DPP10: variants seen among roughly 807,000 people sequenced by gnomAD.
DPP10 encodes the protein dipeptidyl peptidase like 10, also known as inactive dipeptidyl peptidase 10.
DPP10 carries 33 observed loss-of-function variants against 120.9 expected under a neutral mutation model. The ratio of observed to expected loss-of-function variants is 0.27; its 90% CI spans 0.21 to 0.37. The LOEUF is 0.37. Ranked by LOEUF, DPP10 falls within the 10% of genes least tolerant of loss-of-function variation. The pLI, the probability that DPP10 is intolerant of heterozygous loss-of-function variation, is 1.00. For missense variants in DPP10, 816 were observed against 942.8 expected, an observed-to-expected ratio of 0.87 and a Z score of 1.76; for synonymous variants, 337 against 326.1, an observed-to-expected ratio of 1.03 and a Z score of -0.36.
intron 5 of DPP10, among the ~76,000 whole-genome samples, chr2:115,644,889 A>G (rs542579962): frequency 6.6e-6 from 1 of 152,344 alleles, no homozygotes; most frequent in East Asian, 1.9e-4. Flanking sequence ...TATATAAACT[A>G]TACCACCAAA....
chr2:114,507,050 C>CTTTTTTTTTTTTTTTTTTTT (rs1227607834), intron 1 of DPP10, among the ~76,000 whole-genome samples: 1 of 124,766 alleles, frequency 8.0e-6, no homozygotes, highest in Non-Finnish European at 1.7e-5. Flanking sequence ...CTTTTTTTTT[C>CTTTTTTTTTTTTTTTTTTTT]TTTTTTTTTT....
At chr2:115,016,939 C>T (rs1702685777) in intron 1 of DPP10, among the ~76,000 whole-genome samples, 1 of 151,678 alleles carries the variant, frequency 6.6e-6, no homozygotes, top group Admixed American at 6.6e-5. Context: ...TTATCATTCT[C>T]AGTAAACTAT....
At chr2:115,187,073 T>C (rs2054508190) in intron 1 of DPP10, among the ~76,000 whole-genome samples, 1 of 133,930 alleles carries the variant, frequency 7.5e-6, no homozygotes, top group Non-Finnish European at 1.6e-5. Context: ...AGTTTCGCTC[T>C]GTCGGGCCTG....
intron 3 of DPP10, chr2:115,468,355 G>C (rs2074464457): frequency 3.9e-6 from 2 of 511,666 alleles, no homozygotes; most frequent in Admixed American, 2.0e-5. Context: ...ATTGCTGGCT[G>C]CTTCACTCTT....
chr2:115,298,734 G>A (rs2060996599), intron 1 of DPP10, among the ~76,000 whole-genome samples: 1 of 152,022 alleles, frequency 6.6e-6, no homozygotes, highest in African/African-American at 2.4e-5. Flanking sequence ...CCCTGGCCCT[G>A]GAGATTCAGA....
At chr2:115,477,137 T>G (rs1437127619) in intron 3 of DPP10, among the ~76,000 whole-genome samples, 1 of 152,094 alleles carries the variant, frequency 6.6e-6, no homozygotes, top group African/African-American at 2.4e-5. Flanking sequence ...GCCACTTCTA[T>G]TCAACATAGT....
chr2:115,780,177 T>G (rs1682581937), intron 15 of DPP10, among the ~76,000 whole-genome samples: 1 of 152,002 alleles, frequency 6.6e-6, no homozygotes, highest in South Asian at 2.1e-4. Context: ...ATAAACAATT[T>G]GATAAATGAA....
chr2:114,927,646 G>A lies in DPP10; in HGVS notation c.61-381593G>A, dbSNP rs145862343. ...ATAGAATGGGAGGCAGATTTGCCCT[G>A]AGAAGTTCCCAGCTTGAAAGGGCCC... On this transcript the variant is annotated intron_variant, in intron 1 of 25. Coordinates refer to ENST00000410059, the MANE Select transcript of DPP10 (RefSeq NM_020868.6). Among the ~76,000 whole-genome samples the A allele has an allele frequency of 6.0e-3, 917 of 152,330 alleles. 11 individuals carry two copies. The highest frequency in any genetic ancestry group is 0.021 in the African/African-American group (871 of 41,572).
intron 1 of DPP10, among the ~76,000 whole-genome samples, chr2:114,677,104 C>G (rs1698723433): frequency 6.6e-6 from 1 of 152,144 alleles, no homozygotes; most frequent in African/African-American, 2.4e-5. Flanking sequence ...CTCCCCGGCT[C>G]ATCAGCTTCC....
intron 5 of DPP10, among the ~76,000 whole-genome samples, chr2:115,561,086 C>T (rs774058994): frequency 7.2e-5 from 11 of 152,036 alleles, no homozygotes; most frequent in African/African-American, 7.2e-5. Context: ...CAGTGGCTCA[C>T]GCCTGTAATC....
In DPP10 at chr2:115,826,403, T is replaced by C. The variant is rs183080929; in HGVS notation, c.1951-9754T>C. On this transcript the variant is annotated intron_variant, in intron 21 of 25. Coordinates refer to ENST00000410059, the MANE Select transcript of DPP10 (RefSeq NM_020868.6). ...CATGCTTAGGATCATTATTTCCTCT[T>C]GATTAGTTGACCTCTTTATTGTTAA... is the stretch of plus-strand genomic sequence containing the variant. Among the ~76,000 whole-genome samples the C allele has an allele frequency of 2.2e-4, 34 of 152,304 alleles. No homozygotes were observed. The East Asian group carries it at 6.6e-3, about 29-fold the overall frequency.
intron 1 of DPP10, among the ~76,000 whole-genome samples, chr2:114,554,358 T>C (rs1688121500): frequency 1.3e-5 from 2 of 152,236 alleles, no homozygotes; most frequent in South Asian, 4.1e-4. Context: ...GTTCTGGTTC[T>C]GGTCTGGCCT....
intron 1 of DPP10, among the ~76,000 whole-genome samples, chr2:115,038,598 T>G (rs1417931026): frequency 6.6e-6 from 1 of 152,142 alleles, no homozygotes; most frequent in Admixed American, 6.5e-5. Flanking sequence ...TTATTAGGCT[T>G]CTTCTTTGAG....
intron 1 of DPP10, among the ~76,000 whole-genome samples, chr2:114,854,629 G>A (rs971270554): frequency 6.6e-6 from 1 of 152,094 alleles, no homozygotes; most frequent in Non-Finnish European, 1.5e-5. Flanking sequence ...GTTTGAGGAA[G>A]CTCTCAAAAA....
chr2:115,559,177 C>G (rs2080409932), intron 5 of DPP10, among the ~76,000 whole-genome samples: 1 of 152,182 alleles, frequency 6.6e-6, no homozygotes, highest in Admixed American at 6.5e-5. Flanking sequence ...TTACTGAACA[C>G]TATCATTTTT....
Position 115,694,948 on chromosome 2 carries a change from C to T in DPP10, c.576+5027C>T, listed in dbSNP as rs117160733. Among the ~76,000 whole-genome samples, 34 of 152,262 alleles carry T rather than the reference C, an allele frequency of 2.2e-4. 1 individual carries two copies. The East Asian group carries it at 6.4e-3, about 29-fold the overall frequency. On this transcript the variant is annotated intron_variant, in intron 7 of 25. Transcript: ENST00000410059. ...GGATTTGTATTCTTATTGTTTATTG[C>T]CCCTTCTCATTATGAAATTGCAGAT...
At chr2:114,444,158 A>G (rs1363027981) in intron 1 of DPP10, among the ~76,000 whole-genome samples, 6 of 152,176 alleles carry the variant, frequency 3.9e-5, no homozygotes, top group Non-Finnish European at 7.4e-5. Flanking sequence ...AATCTTTTTC[A>G]GCATTAGATT....
At chr2:114,824,422 A>G (rs1686353826) in intron 1 of DPP10, among the ~76,000 whole-genome samples, 1 of 152,200 alleles carries the variant, frequency 6.6e-6, no homozygotes, top group Non-Finnish European at 1.5e-5. Context: ...TGACAATGGT[A>G]ATGAGGGTTC....
chr2:114,478,425 C>G (rs1057366571), intron 1 of DPP10, among the ~76,000 whole-genome samples: 1 of 151,948 alleles, frequency 6.6e-6, no homozygotes, highest in Non-Finnish European at 1.5e-5. Flanking sequence ...CTTAACTTGA[C>G]AAAAAGCATC....
Sources: allele counts gnomAD v4.1 joint callset (sites outside exome capture counted in the v4.1 genomes callset), GRCh38; gene constraint gnomAD v4.1.1; transcripts MANE v1.5; gene names NCBI Gene and HGNC (gene_info 2026-07-23, HGNC 2026-07-21).